RNF20: variants seen among roughly 807,000 people sequenced by gnomAD.
RNF20 encodes E3 ubiquitin-protein ligase BRE1A.
A neutral mutation model predicts 126.2 loss-of-function variants in RNF20; 84 were observed. The observed-to-expected ratio is 0.67, with a 90% confidence interval of 0.56 to 0.80. The LOEUF (loss-of-function observed/expected upper bound fraction) is 0.80, where lower values mean the gene tolerates loss of function less well. Among genes scored for constraint, RNF20 ranks in the 30% least tolerant of loss-of-function variants. The pLI, the probability that RNF20 is intolerant of heterozygous loss-of-function variation, is 0.00. For missense variants in RNF20, 869 were observed against 1,188.2 expected, an observed-to-expected ratio of 0.73 and a Z score of 3.95; for synonymous variants, 400 against 414.3, an observed-to-expected ratio of 0.97 and a Z score of 0.42.
At chr9:101,544,593 C>T (rs1564108319) in intron 5 of RNF20, among the ~76,000 whole-genome samples, 174 bp from the exon 6 acceptor site, 1 of 152,020 alleles carries the variant, frequency 6.6e-6, no homozygotes. Context: ...GTAATCCCAG[C>T]TACTCTGGAG....
At chr9:101,556,581 A>G (rs1203444836) in intron 15 of RNF20, among the ~76,000 whole-genome samples, 1 of 152,138 alleles carries the variant, frequency 6.6e-6, no homozygotes, top group African/African-American at 2.4e-5. Context: ...ATCCATCAAA[A>G]AGCTAGAAGA....
chr9:101,538,844 T>C (rs1827221104), intron 2 of RNF20, among the ~76,000 whole-genome samples: 1 of 152,180 alleles, frequency 6.6e-6, no homozygotes, highest in Non-Finnish European at 1.5e-5. Flanking sequence ...TAAGACTATT[T>C]TTCCACATGC....
rs1827537874 is a variant in RNF20 at position 101,556,683 on chromosome 9, A to AT, written c.2170-695dup. On this transcript the variant is annotated intron_variant, in intron 15 of 19. Transcript: ENST00000389120. ...AACAAAAAATTGATAATTTTGAGTT[A>AT]TTTTTTAAAATGATGCAAAACTTCT... 2.0e-5 allele frequency among the ~76,000 whole-genome samples: 3 copies of AT among 152,272 alleles called. No homozygotes were observed. In the South Asian group the frequency reaches 6.2e-4, roughly 32 times the overall value.
At chr9:101,550,560 G>A in intron 9 of RNF20, 46 bp from the exon 10 acceptor site, 1 of 1,541,408 alleles carries the variant, frequency 6.5e-7, no homozygotes, top group Non-Finnish European at 8.9e-7. Context: ...TAGCGTCTGG[G>A]GCAATGCTAG....
At chr9:101,545,587 C>G (rs2118695449) in intron 6 of RNF20, among the ~76,000 whole-genome samples, 1 of 152,252 alleles carries the variant, frequency 6.6e-6, no homozygotes, top group Admixed American at 6.5e-5. Flanking sequence ...CTTCATATGC[C>G]TTTGTTTACT....
At chr9:101,553,060 C>G (rs1001413376) in intron 13 of RNF20, among the ~76,000 whole-genome samples, 1 of 152,120 alleles carries the variant, frequency 6.6e-6, no homozygotes, top group East Asian at 1.9e-4. Flanking sequence ...TTAACTACTG[C>G]TCTTCACTGG....
At chr9:101,561,536 C>A (rs1269516521) in intron 18 of RNF20, 7 of 407,474 alleles carry the variant, frequency 1.7e-5, no homozygotes, top group Non-Finnish European at 2.6e-5. Context: ...CTATTTTTGT[C>A]ATGCTAGCTG....
In RNF20 at chr9:101,560,755, T is replaced by C. The variant is rs964556509; in HGVS notation, c.2383-46T>C. ...GATTAACAGAATAGTTTTTTTTCTT[T>C]TTTTAATCTTTTCATTTGTGTTAAA... On this transcript the variant is annotated intron_variant, in intron 16 of 19. Transcript: ENST00000389120. 9.6e-6 allele frequency: 15 copies of C among 1,554,656 alleles called. No individual in the cohort carries two copies. In the African/African-American group the frequency reaches 1.7e-4, roughly 17 times the overall value.
chr9:101,544,780 G>T lies in RNF20; in HGVS notation c.642G>T (p.Val214=), dbSNP rs531422157. The T allele has an allele frequency of 8.2e-4, 1,312 of 1,601,556 alleles. 17 individuals are homozygous for T. In the South Asian group the frequency reaches 0.014, roughly 17 times the overall value. The change falls in exon 6 of 20, where the codon GTG becomes GTT. Residue 214 remains valine (V), a synonymous_variant. Transcript: ENST00000389120. ...RKLNSGDNLI[V]EEAVQELNSF... ...CTTCTTCCCCAGATAATCTGATAGTGGAGGAAGCAGTGCAGGAGCTGAACT... is the reference window on the plus strand; with the variant it reads ...CTTCTTCCCCAGATAATCTGATAGTTGAGGAAGCAGTGCAGGAGCTGAACT...
rs1346915320 is a variant in RNF20, at chr9:101,554,694, T to G, written c.2020T>G (p.Leu674Val). The G allele has an allele frequency of 1.2e-6, 2 of 1,610,642 alleles. No homozygotes were observed. Among genetic ancestry groups the G allele is most frequent in the Non-Finnish European group, 1.7e-6 (2 of 1,178,010 alleles). Residue 674 changes from leucine to valine, a missense_variant and splice_region_variant, in exon 15 of 20, where the codon TTG becomes GTG. Coordinates refer to ENST00000389120, the MANE Select transcript of RNF20 (RefSeq NM_019592.7). ...TTGTGCAATTCCTTTCCTCTTATAGTTGGAAGATCTAAGGCAAAGACTCAA... is the reference window on the plus strand; with the variant it reads ...TTGTGCAATTCCTTTCCTCTTATAGGTGGAAGATCTAAGGCAAAGACTCAA... ...MAAEKKSKAELEDLRQRLKDL... is the reference protein window; with the variant it reads ...MAAEKKSKAEVEDLRQRLKDL...
chr9:101,545,051 T>G (rs904241918), intron 6 of RNF20, among the ~76,000 whole-genome samples, 166 bp downstream of exon 6: 2 of 152,128 alleles, frequency 1.3e-5, no homozygotes, highest in Non-Finnish European at 2.9e-5. Context: ...TGAATTACCC[T>G]AAATATAAAA....
Position 101,552,504 on chromosome 9 carries a change from AG to A in RNF20, c.1654del (p.Ala552HisfsTer46). 1 of 1,614,160 alleles carries A rather than the reference AG, an allele frequency of 6.2e-7. No homozygotes were observed. The highest frequency in any genetic ancestry group is 8.5e-7 in the Non-Finnish European group (1 of 1,180,006). On this transcript the variant is annotated frameshift_variant, in exon 13 of 20. Transcript: ENST00000389120. LOFTEE classifies it high-confidence loss of function. ...TTATCCTCCCAGTCCTCAGCTTCAA[AG>A]GCATCTCAGGAGGATGCCAATGAAA... ...EDLSSQSSAS[K>X]ASQEDANEIK...
Position 101,551,823 on chromosome 9 carries a change from T to C in RNF20, c.1408+4T>C, listed in dbSNP as rs370247560. ...CTTGCTGCCAATGAACAAGCAGGTA[T>C]AATGATTCTCACTCCATGCTGTAGT... On this transcript the variant is annotated splice_donor_region_variant and intron_variant, in intron 11 of 19. Transcript: ENST00000389120. 3.1e-6 allele frequency: 5 copies of C among 1,602,868 alleles called. No homozygotes were observed. The highest frequency in any genetic ancestry group is 4.3e-6 in the Non-Finnish European group (5 of 1,176,126).
intron 8 of RNF20, 72 bp downstream of exon 8, chr9:101,547,286 T>C: frequency 6.2e-7 from 1 of 1,600,078 alleles, no homozygotes. Flanking sequence ...AGGACTGTGT[T>C]CACAAGTGAC....
In RNF20 at chr9:101,547,433, A is replaced by G; in HGVS notation, c.1007A>G (p.Lys336Arg). 2 of 1,614,186 alleles carry G rather than the reference A, an allele frequency of 1.2e-6. No homozygotes were observed. Among genetic ancestry groups the G allele is most frequent in the Non-Finnish European group, 1.7e-6 (2 of 1,180,012 alleles). ...ATGAATGCAGAGCTTGAGGAGAACA[A>G]AGAGTTGGCTCAGAACCGTCTCTGT... is the stretch of plus-strand genomic sequence containing the variant. ...EEMNAELEEN[K>R]ELAQNRLCEL... is the part of the protein sequence containing the mutation. The change falls in exon 9 of 20, where the codon AAA becomes AGA. Residue 336 changes from lysine to arginine, a missense_variant. Lys to Arg is a conservative substitution (Grantham distance 26, BLOSUM62 2). Around this residue, in one of 8 missense-constraint regions of RNF20, gnomAD observed 153 missense variants for 226.4 expected, o/e 0.68. Coordinates refer to ENST00000389120, the MANE Select transcript of RNF20 (RefSeq NM_019592.7).
chr9:101,540,774 T>A lies in RNF20; in HGVS notation c.446-19T>A. 1.3e-6 allele frequency: 2 copies of A among 1,594,418 alleles called. No individual in the cohort carries two copies. Among genetic ancestry groups the A allele is most frequent in the Non-Finnish European group, 1.7e-6 (2 of 1,173,692 alleles). ...TTTATAATTTTGGGGGGCTTCTTTT[T>A]TTCCCCCTGTGTCCTCAGGGGAAGG... On this transcript the variant is annotated intron_variant, in intron 4 of 19. Coordinates refer to ENST00000389120, the MANE Select transcript of RNF20 (RefSeq NM_019592.7).
rs529732593 is a variant in RNF20, at chr9:101,549,075, C to T, written c.1093-1531C>T. Among the ~76,000 whole-genome samples, 9 of 152,174 alleles carry T rather than the reference C, an allele frequency of 5.9e-5. No individual in the cohort carries two copies. In the South Asian group the frequency reaches 8.3e-4, roughly 14 times the overall value. ...GGGTCGGTGGGTCTCTCCCTGTGTG[C>T]GGAGACGAGAGAGTGTAGAAATAAA... On this transcript the variant is annotated intron_variant, in intron 9 of 19. Transcript: ENST00000389120.
intron 15 of RNF20, among the ~76,000 whole-genome samples, chr9:101,556,775 C>G (rs912637983): frequency 6.6e-6 from 1 of 151,926 alleles, no homozygotes; most frequent in African/African-American, 2.4e-5. Context: ...ATATTTTTAA[C>G]TTTTATTACA....
intron 13 of RNF20, 41 bp from the exon 14 acceptor site, chr9:101,553,947 C>A: frequency 1.8e-6 from 2 of 1,141,456 alleles, no homozygotes; most frequent in South Asian, 1.3e-5. Context: ...CCTTTATTTT[C>A]TTATTACATT....
Sources: allele counts gnomAD v4.1 joint callset (sites outside exome capture counted in the v4.1 genomes callset), GRCh38; gene constraint gnomAD v4.1.1; regional missense constraint gnomAD v4.1.1; transcripts MANE v1.5; gene names NCBI Gene and HGNC (gene_info 2026-07-23, HGNC 2026-07-21).